The following TACC2 variants were observed in gnomAD, a reference collection of about 807,000 sequenced individuals.
TACC2 encodes the protein transforming acidic coiled-coil containing protein 2, also known as transforming acidic coiled-coil-containing protein 2.
Under a neutral mutation model 227.3 loss-of-function variants are expected in TACC2, and 137 were observed. The ratio of observed to expected loss-of-function variants is 0.60; its 90% confidence interval spans 0.52 to 0.69. TACC2 has a LOEUF of 0.69. Ranked by LOEUF, TACC2 falls within the 30% of genes least tolerant of loss-of-function variation. The pLI is 0.00. For missense variants in TACC2, 3,470 were observed against 3,694.4 expected (o/e 0.94, Z 1.57); for synonymous variants, 1,523 against 1,487.5 (o/e 1.02, Z -0.55).
intron 1 of TACC2, among the ~76,000 whole-genome samples, chr10:122,006,397 C>T (rs971824393): frequency 2.6e-5 from 4 of 151,764 alleles, no homozygotes; most frequent in Non-Finnish European, 4.4e-5. Flanking sequence ...TGCAGTGAGC[C>T]GAGATTGCGC....
At chr10:122,243,731 T>C (rs2096055846) in intron 19 of TACC2, among the ~76,000 whole-genome samples, 1 of 151,938 alleles carries the variant, frequency 6.6e-6, no homozygotes, top group Non-Finnish European at 1.5e-5. Flanking sequence ...CCTCCTGGAG[T>C]CTTGGGATTT....
intron 2 of TACC2, among the ~76,000 whole-genome samples, chr10:122,040,995 G>A (rs559079854): frequency 6.6e-6 from 1 of 152,316 alleles, no homozygotes; most frequent in Non-Finnish European, 1.5e-5. Flanking sequence ...CGTACAAGAT[G>A]TGGTCTGAAT....
intron 3 of TACC2, among the ~76,000 whole-genome samples, chr10:122,074,341 A>G (rs1374759757): frequency 6.6e-6 from 1 of 152,046 alleles, no homozygotes; most frequent in Admixed American, 6.6e-5. Context: ...CGGCCTCCCA[A>G]AGTGCTGGGA....
intron 3 of TACC2, among the ~76,000 whole-genome samples, chr10:122,078,179 A>C (rs1292861899): frequency 7.7e-6 from 1 of 129,848 alleles, no homozygotes; most frequent in Non-Finnish European, 1.6e-5. Context: ...TGGGCGACAG[A>C]GCGAGACTCC....
At chr10:122,076,450 G>C (rs970423017) in intron 3 of TACC2, among the ~76,000 whole-genome samples, 1 of 152,172 alleles carries the variant, frequency 6.6e-6, no homozygotes, top group Non-Finnish European at 1.5e-5. Flanking sequence ...TAACCCACTG[G>C]CTTTCATTCT....
intron 2 of TACC2, among the ~76,000 whole-genome samples, chr10:122,026,583 G>T (rs1335550228): frequency 6.6e-6 from 1 of 152,076 alleles, no homozygotes; most frequent in Non-Finnish European, 1.5e-5. Flanking sequence ...ATAGTATCAT[G>T]CAGGGTAGTT....
intron 7 of TACC2, among the ~76,000 whole-genome samples, chr10:122,186,168 A>T (rs1237971777): frequency 6.6e-6 from 1 of 152,068 alleles, no homozygotes; most frequent in Non-Finnish European, 1.5e-5. Context: ...ACTTCAGGTG[A>T]TCCACCCGCC....
intron 7 of TACC2, among the ~76,000 whole-genome samples, chr10:122,178,065 CAT>C (rs1378086815): frequency 6.6e-6 from 1 of 152,120 alleles, no homozygotes; most frequent in African/African-American, 2.4e-5. Context: ...TTATAAATAA[CAT>C]AAATTTATTT....
chr10:122,008,264 A>ATTATTATTATTATTTTTTTTTTTTTTT, intron 1 of TACC2, among the ~76,000 whole-genome samples: 1 of 134,654 alleles, frequency 7.4e-6, no homozygotes, highest in African/African-American at 2.8e-5. Flanking sequence ...TATTATTATT[A>ATTATTATTATTATTTTTTTTTTTTTTT]TTTTTTTTTT....
At chr10:122,145,799 G>C (rs2091298652) in intron 7 of TACC2, among the ~76,000 whole-genome samples, 1 of 152,148 alleles carries the variant, frequency 6.6e-6, no homozygotes, top group Non-Finnish European at 1.5e-5. Context: ...GTACCCATTT[G>C]CTCTATGTCT....
Position 122,086,038 on chromosome 10 carries a change from T to G in TACC2, c.3538T>G (p.Ser1180Ala). Reference sequence around the variant, plus strand: ...AGCTTCTACCTCTGCCCTACGTGAGTCCTGCCAAGCTGAGCACCCCATGGC... The same window carrying G: ...AGCTTCTACCTCTGCCCTACGTGAGGCCTGCCAAGCTGAGCACCCCATGGC... ...EEASTSALRE[S>A]CQAEHPMASC... The change falls in exon 4 of 23, where the codon TCC (serine) becomes GCC (alanine). Residue 1180 changes from serine (S) to alanine (A), a missense_variant. Around this residue, in one of 10 missense-constraint regions of TACC2, gnomAD observed 1,924 missense variants for 1,978.3 expected, o/e 0.97. Coordinates refer to ENST00000369005, the MANE Select transcript of TACC2 (RefSeq NM_206862.4). The G allele has an allele frequency of 6.2e-7, 1 of 1,613,746 alleles. No homozygotes were observed. The highest frequency in any genetic ancestry group is 8.5e-7 in the Non-Finnish European group (1 of 1,180,000).
rs765438006 is a variant in TACC2, at chr10:122,085,164, C to T, written c.2664C>T (p.Pro888=). The T allele has an allele frequency of 1.9e-6, 3 of 1,614,124 alleles. No individual in the cohort carries two copies. In the South Asian group the frequency reaches 3.3e-5, roughly 18 times the overall value. Residue 888 remains proline, a synonymous_variant, in exon 4 of 23, where the codon CCC becomes CCT. Coordinates refer to ENST00000369005, the MANE Select transcript of TACC2 (RefSeq NM_206862.4). ...AACCTCAGGAAGATAACAACTTGCC[C>T]ACTCATGGAGGACAGGAGCAGGCTT... The part of the protein sequence containing the change: ...PVEPQEDNNL[P]THGGQEQALG...
At position 122,226,486 on chromosome 10, in the gene TACC2, G is replaced by A. The variant is rs1420198318; in HGVS notation, c.7724+5G>A. On this transcript the variant is annotated splice_donor_5th_base_variant and intron_variant, in intron 13 of 22. Transcript: ENST00000369005. ...GTCCCCGACGCCGTGTTCAGGGTAT[G>A]ACTTCCATGATGAGAGAGTTACACA... The A allele has an allele frequency of 6.3e-7, 1 of 1,598,640 alleles. No individual in the cohort carries two copies. The highest frequency in any genetic ancestry group is 8.6e-7 in the Non-Finnish European group (1 of 1,167,202).
chr10:121,996,542 T>C (rs1246093685), intron 1 of TACC2, among the ~76,000 whole-genome samples: 1 of 152,056 alleles, frequency 6.6e-6, no homozygotes, highest in African/African-American at 2.4e-5. Flanking sequence ...CCAAACTCTA[T>C]CAGTGAGAGA....
intron 6 of TACC2, among the ~76,000 whole-genome samples, chr10:122,133,428 T>C (rs1435451151): frequency 1.3e-5 from 2 of 152,190 alleles, no homozygotes; most frequent in Non-Finnish European, 2.9e-5. Flanking sequence ...CAGATGCCCA[T>C]ATATGCATAT....
intron 4 of TACC2, 80 bp from the exon 5 acceptor site, chr10:122,088,398 T>G: frequency 7.7e-7 from 1 of 1,304,028 alleles, no homozygotes. Context: ...AATTGAGAAA[T>G]CTGCTTTTTC....
chr10:122,134,505 G>C (rs1565399087), intron 6 of TACC2, among the ~76,000 whole-genome samples: 1 of 152,188 alleles, frequency 6.6e-6, no homozygotes, highest in East Asian at 1.9e-4. Context: ...TTACTTTTGT[G>C]TGACTTTAAC....
At chr10:122,190,689 G>A (rs1472074271) in intron 7 of TACC2, among the ~76,000 whole-genome samples, 1 of 152,056 alleles carries the variant, frequency 6.6e-6, no homozygotes, top group Non-Finnish European at 1.5e-5. Context: ...AGGACAGGCC[G>A]TTAAAAATCA....
At chr10:122,096,224 C>A (rs190218668) in intron 5 of TACC2, among the ~76,000 whole-genome samples, 1 of 152,316 alleles carries the variant, frequency 6.6e-6, no homozygotes, top group East Asian at 1.9e-4. Context: ...CCCAAGGAGG[C>A]CTCCCATTGC....
Sources: allele counts gnomAD v4.1 joint callset (sites outside exome capture counted in the v4.1 genomes callset), GRCh38; gene constraint gnomAD v4.1.1; regional missense constraint gnomAD v4.1.1; transcripts MANE v1.5; gene names NCBI Gene and HGNC (gene_info 2026-07-23, HGNC 2026-07-21).